Variants in PRKX observed in about 807,000 individuals in gnomAD.
The protein encoded by PRKX is cAMP-dependent protein kinase catalytic subunit PRKX.
A neutral mutation model predicts 22.0 loss-of-function variants in PRKX; 12 were observed. The observed-to-expected ratio is 0.54, with a 90% confidence interval of 0.35 to 0.88. The LOEUF (loss-of-function observed/expected upper bound fraction) is 0.88, where lower values mean the gene tolerates loss of function less well. Among genes scored for constraint, PRKX ranks in the 40% least tolerant of loss-of-function variants. PRKX has a pLI of 0.01. For synonymous variants in PRKX, 134 were observed against 137.7 expected (o/e 0.97, Z 0.19); for missense variants, 217 against 308.0 (o/e 0.70, Z 2.21).
chrX:3,672,375 T>C (rs1927864933), intron 2 of PRKX, among the ~76,000 whole-genome samples: 1 of 111,803 alleles, frequency 8.9e-6, no homozygotes, highest in African/African-American at 3.2e-5. Context: ...CCTGCAGGAA[T>C]GCACCTTATC....
intron 1 of PRKX, among the ~76,000 whole-genome samples, chrX:3,684,497 A>G (rs1462935669): frequency 8.9e-6 from 1 of 111,941 alleles, no homozygotes. Flanking sequence ...AACGTAAATG[A>G]AAAAAAGTAC....
intron 1 of PRKX, among the ~76,000 whole-genome samples, chrX:3,690,855 G>C (rs12687983): frequency 0.16 from 18,252 of 112,197 alleles, 1,285 homozygotes; most frequent in East Asian, 0.37. Flanking sequence ...TTCTGGCTCA[G>C]TGTATTTATA....
intron 2 of PRKX, among the ~76,000 whole-genome samples, chrX:3,657,582 C>T (rs1435612559): frequency 8.9e-6 from 1 of 112,486 alleles, no homozygotes; most frequent in African/African-American, 3.2e-5. Flanking sequence ...CTACAACACA[C>T]ACATCTTCAG....
At chrX:3,609,784 A>G (rs1323167712) in intron 8 of PRKX, among the ~76,000 whole-genome samples, 1 of 112,134 alleles carries the variant, frequency 8.9e-6, no homozygotes, top group Non-Finnish European at 1.9e-5. Flanking sequence ...ACGCTTATCC[A>G]TAAATAGATA....
chrX:3,695,810 G>A (rs910371825), intron 1 of PRKX, among the ~76,000 whole-genome samples: 1 of 111,666 alleles, frequency 9.0e-6, no homozygotes, highest in Non-Finnish European at 1.9e-5. Flanking sequence ...CTAGATGCCA[G>A]ATTCATGGTG....
intron 1 of PRKX, among the ~76,000 whole-genome samples, chrX:3,697,195 T>C (rs1284415463): frequency 9.0e-6 from 1 of 111,290 alleles, no homozygotes; most frequent in Non-Finnish European, 1.9e-5. Flanking sequence ...CACACCCCCA[T>C]GTCTACTAAA....
In PRKX at chrX:3,701,306, A is replaced by G. The variant is rs1007087404; in HGVS notation, c.166+11782T>C. ...TTTTTTGTAAAGACAAGGTCTCACTATGTTGTCCAGGCTAGTCTAGAACTG... is the reference window on the plus strand; with the variant it reads ...TTTTTTGTAAAGACAAGGTCTCACTGTGTTGTCCAGGCTAGTCTAGAACTG... On this transcript the variant is annotated intron_variant, in intron 1 of 8. Coordinates refer to ENST00000262848, the MANE Select transcript of PRKX (RefSeq NM_005044.5). 4.5e-5 allele frequency among the ~76,000 whole-genome samples: 5 copies of G among 111,258 alleles called. No individual in the cohort carries two copies. The Admixed American group carries it at 4.8e-4, about 11-fold the overall frequency.
chrX:3,636,187 G>T (rs770130846), intron 4 of PRKX, among the ~76,000 whole-genome samples: 1 of 112,494 alleles, frequency 8.9e-6, no homozygotes, highest in Admixed American at 9.5e-5. Flanking sequence ...CAATAACACA[G>T]ACAAGGCACA....
At chrX:3,690,830 G>C (rs1039297719) in intron 1 of PRKX, among the ~76,000 whole-genome samples, 2 of 111,302 alleles carry the variant, frequency 1.8e-5, no homozygotes, top group Admixed American at 1.9e-4. Context: ...GTGAAGCCAG[G>C]GAAAGGTTCG....
intron 2 of PRKX, among the ~76,000 whole-genome samples, chrX:3,666,549 T>C (rs1012410390): frequency 1.3e-4 from 15 of 111,375 alleles, no homozygotes; most frequent in African/African-American, 4.2e-4. Context: ...GGCAGGAGGA[T>C]TGAGTGAGAT....
At chrX:3,699,319 G>C (rs890514429) in intron 1 of PRKX, among the ~76,000 whole-genome samples, 2 of 109,568 alleles carry the variant, frequency 1.8e-5, no homozygotes, top group African/African-American at 6.7e-5. Flanking sequence ...TTACAGGCGG[G>C]AGCCACCGTG....
intron 1 of PRKX, among the ~76,000 whole-genome samples, chrX:3,678,214 C>A (rs1359954732): frequency 1.8e-5 from 2 of 112,317 alleles, no homozygotes; most frequent in African/African-American, 6.5e-5. Context: ...TCCTGTTGCT[C>A]TTCTTTCCAA....
intron 4 of PRKX, among the ~76,000 whole-genome samples, chrX:3,630,287 C>T (rs758232531): frequency 2.7e-4 from 30 of 111,960 alleles, no homozygotes; most frequent in East Asian, 8.4e-4. Context: ...AGGCCAGGCG[C>T]GGTGGCTCAT....
chrX:3,650,068 A>G (rs67226549), intron 3 of PRKX, among the ~76,000 whole-genome samples: 33,726 of 109,484 alleles, frequency 0.31, 4,445 homozygotes, highest in East Asian at 0.6. Flanking sequence ...TTGAGCCTGC[A>G]AGTTCGAGGC....
rs751558573 is a variant in PRKX at position 3,615,830 on chromosome X, C to A, written c.936G>T (p.Pro312=). The change falls in exon 7 of 9, where the codon CCG becomes CCT. Residue 312 remains proline, a synonymous_variant. Transcript: ENST00000262848. Reference sequence around the variant, plus strand: ...TGTGTTGTACCTTCAGTTTTCTCTGCGGAACAGCTTCCCAGTCCACGGAGC... The same window carrying A: ...TGTGTTGTACCTTCAGTTTTCTCTGAGGAACAGCTTCCCAGTCCACGGAGC... ...WFRSVDWEAV[P]QRKLKPPIVP... 2 of 1,205,535 alleles carry A rather than the reference C, an allele frequency of 1.7e-6. No homozygotes were observed. The highest frequency in any genetic ancestry group is 2.2e-6 in the Non-Finnish European group (2 of 891,920).
At chrX:3,701,403 G>GC (rs1392589916) in intron 1 of PRKX, among the ~76,000 whole-genome samples, 12 of 112,570 alleles carry the variant, frequency 1.1e-4, no homozygotes, top group Non-Finnish European at 2.1e-4. Flanking sequence ...ACTGTGTGTC[G>GC]CCTACTTTTT....
At chrX:3,707,838 AAG>A (rs1474883751) in intron 1 of PRKX, among the ~76,000 whole-genome samples, 1 of 111,251 alleles carries the variant, frequency 9.0e-6, no homozygotes, top group Admixed American at 9.6e-5. Flanking sequence ...GCACCCACAT[AAG>A]GTAAATAAGA....
intron 1 of PRKX, among the ~76,000 whole-genome samples, chrX:3,697,335 C>T (rs755673053): frequency 9.0e-6 from 1 of 111,544 alleles, no homozygotes; most frequent in East Asian, 2.8e-4. Context: ...CACTGCACTC[C>T]AGCCTGGGTG....
chrX:3,625,575 C>T (rs1603473278), intron 5 of PRKX, among the ~76,000 whole-genome samples: 2 of 107,991 alleles, frequency 1.9e-5, no homozygotes, highest in East Asian at 2.8e-4. Context: ...AAACCAAAAG[C>T]ATTCTTTTTT....
Sources: allele counts gnomAD v4.1 joint callset (sites outside exome capture counted in the v4.1 genomes callset), GRCh38; gene constraint gnomAD v4.1.1; transcripts MANE v1.5; gene names NCBI Gene and HGNC (gene_info 2026-07-23, HGNC 2026-07-21).